Variants in COL5A2 observed in about 807,000 individuals in gnomAD.
COL5A2 encodes the protein collagen type V alpha 2 chain.
COL5A2 carries 23 observed loss-of-function variants against 208.2 expected under a neutral mutation model. The ratio of observed to expected loss-of-function variants is 0.11; its 90% CI spans 0.08 to 0.16. The LOEUF is 0.16. Among genes scored for constraint, COL5A2 ranks in the 10% least tolerant of loss-of-function variants. COL5A2 has a pLI of 1.00. For synonymous variants in COL5A2, 625 were observed against 628.5 expected, an observed-to-expected ratio of 0.99 and a Z score of 0.08; for missense variants, 1,590 against 1,956.4, an observed-to-expected ratio of 0.81 and a Z score of 3.53.
intron 1 of COL5A2, among the ~76,000 whole-genome samples, chr2:189,185,801 T>C (rs1351059169): frequency 6.6e-6 from 1 of 152,120 alleles, no homozygotes; most frequent in African/African-American, 2.4e-5. Flanking sequence ...AAGGAATCAA[T>C]AGAAAATGAT....
At chr2:189,210,432 G>GAA (rs34973641) in intron 1 of COL5A2, among the ~76,000 whole-genome samples, 6 of 134,882 alleles carry the variant, frequency 4.4e-5, no homozygotes, top group African/African-American at 1.7e-4. Context: ...TGTTGAGCTT[G>GAA]AAAAAAAAAA....
chr2:189,354,977 G>T, the COL5A2 span, among the ~76,000 whole-genome samples: 3 of 152,114 alleles, frequency 2.0e-5, no homozygotes, highest in African/African-American at 7.2e-5. Flanking sequence ...CTGGTACGTT[G>T]TATCTTTGTT....
intron 33 of COL5A2, 69 bp from the exon 34 acceptor site, chr2:189,057,496 G>T: frequency 8.4e-7 from 1 of 1,191,832 alleles, no homozygotes; most frequent in Non-Finnish European, 1.3e-6. Flanking sequence ...TTGCTTTTTA[G>T]TGGGTCAAAA....
rs116892698 is a variant in COL5A2, at chr2:189,034,721, C to T, written c.4353+195G>A. On this transcript the variant is annotated intron_variant, in intron 53 of 53. Coordinates refer to ENST00000374866, the MANE Select transcript of COL5A2 (RefSeq NM_000393.5). The stretch of plus-strand genomic sequence containing the variant: ...TCTTAGGGATCCAGTTCTTTCTTTA[C>T]TATATGGATTCAAACCTCTATCATG... Among the ~76,000 whole-genome samples the T allele has an allele frequency of 5.6e-4, 85 of 152,270 alleles. No homozygotes were observed. In the East Asian group the frequency reaches 0.014, roughly 25 times the overall value.
chr2:189,419,514 A>G, the COL5A2 span, among the ~76,000 whole-genome samples: 4 of 152,288 alleles, frequency 2.6e-5, no homozygotes, highest in Middle Eastern at 3.4e-3. Context: ...AAATTAGGCC[A>G]AGTACGGTGC....
chr2:189,309,729 T>C, the COL5A2 span, among the ~76,000 whole-genome samples: 3 of 152,252 alleles, frequency 2.0e-5, no homozygotes, highest in Non-Finnish European at 4.4e-5. Flanking sequence ...GAATCAAGGT[T>C]GCCGCAGACC....
the COL5A2 span, among the ~76,000 whole-genome samples, chr2:189,260,796 A>G: frequency 1.3e-5 from 2 of 152,212 alleles, no homozygotes; most frequent in African/African-American, 4.8e-5. Flanking sequence ...TTCAAGTTAT[A>G]TAAAAGGAAA....
At chr2:189,250,190 T>C in the COL5A2 span, among the ~76,000 whole-genome samples, 2 of 152,200 alleles carry the variant, frequency 1.3e-5, no homozygotes, top group African/African-American at 4.8e-5. Context: ...CCCACTTAAA[T>C]AGGGCTTACT....
At chr2:189,361,623 G>T in the COL5A2 span, among the ~76,000 whole-genome samples, 129,554 of 151,740 alleles carry the variant, frequency 0.85, 56,470 homozygotes, top group Non-Finnish European at 0.95. Context: ...TTATTATTGA[G>T]AGGTAAAGGT....
chr2:189,080,759 T>C (rs1444449781), intron 13 of COL5A2, among the ~76,000 whole-genome samples: 1 of 152,148 alleles, frequency 6.6e-6, no homozygotes. Flanking sequence ...TTTTGTAGCA[T>C]AGTGTCCAGT....
At chr2:189,113,996 C>CTGAAG (rs1687336587) in intron 1 of COL5A2, among the ~76,000 whole-genome samples, 1 of 152,076 alleles carries the variant, frequency 6.6e-6, no homozygotes, top group African/African-American at 2.4e-5. Context: ...AACATAACTT[C>CTGAAG]AACTCAAGGG....
the COL5A2 span, among the ~76,000 whole-genome samples, chr2:189,415,887 C>G: frequency 1.3e-5 from 2 of 152,164 alleles, no homozygotes; most frequent in Non-Finnish European, 2.9e-5. Flanking sequence ...GTCTCGATCT[C>G]CTGACCTCGT....
the COL5A2 span, among the ~76,000 whole-genome samples, chr2:189,396,288 AT>A: frequency 1.3e-5 from 2 of 152,208 alleles, no homozygotes; most frequent in Non-Finnish European, 2.9e-5. Flanking sequence ...CATGCAGACA[AT>A]TTTGGAAATC....
intron 1 of COL5A2, among the ~76,000 whole-genome samples, chr2:189,193,001 G>A (rs1413588660): frequency 6.6e-6 from 1 of 152,234 alleles, no homozygotes; most frequent in Non-Finnish European, 1.5e-5. Flanking sequence ...ATTTGGTCCT[G>A]TTTTGTCTCT....
the COL5A2 span, among the ~76,000 whole-genome samples, chr2:189,273,819 G>A: frequency 6.6e-6 from 1 of 152,008 alleles, no homozygotes; most frequent in Non-Finnish European, 1.5e-5. Context: ...GGAAGCAGAG[G>A]GTAGAATGAT....
chr2:189,386,536 AACAG>A, the COL5A2 span, among the ~76,000 whole-genome samples: 1 of 152,326 alleles, frequency 6.6e-6, no homozygotes, highest in East Asian at 1.9e-4. Flanking sequence ...CAAGAAATTA[AACAG>A]ACAGCTTACA....
Position 189,052,301 on chromosome 2 carries a change from T to C in COL5A2, c.2716-76A>G, listed in dbSNP as rs1685806743. ...ACATGTATTTTCCTGGGATTTTTTT[T>C]CACAGGAAGACTGAAGCCTTTAGAT... On this transcript the variant is annotated intron_variant, in intron 40 of 53. Coordinates refer to ENST00000374866, the MANE Select transcript of COL5A2 (RefSeq NM_000393.5). The C allele has an allele frequency of 1.2e-5, 17 of 1,383,662 alleles. No homozygotes were observed. The South Asian group carries it at 1.8e-4, about 14-fold the overall frequency. 85.7% of individuals were successfully genotyped at this position (1,383,662 alleles called of 1,614,324 possible). A position where few individuals can be genotyped will look rare whatever the true frequency, so the allele number is the denominator to read the frequency against.
intron 1 of COL5A2, among the ~76,000 whole-genome samples, chr2:189,127,637 G>A (rs1687632839): frequency 1.3e-5 from 2 of 151,926 alleles, no homozygotes; most frequent in African/African-American, 2.4e-5. Context: ...CCTTCCCAAG[G>A]TTGTTCTGAG....
At chr2:189,342,558 A>C in the COL5A2 span, among the ~76,000 whole-genome samples, 3 of 118,208 alleles carry the variant, frequency 2.5e-5, no homozygotes, top group African/African-American at 7.7e-5. Flanking sequence ...ATGAAAAATG[A>C]AAGCAAAAAC....
Sources: allele counts gnomAD v4.1 joint callset (sites outside exome capture counted in the v4.1 genomes callset), GRCh38; gene constraint gnomAD v4.1.1; transcripts MANE v1.5; gene names NCBI Gene and HGNC (gene_info 2026-07-23, HGNC 2026-07-21).